Variants in AKAP8L observed in about 807,000 individuals in gnomAD.
AKAP8L encodes A-kinase anchor protein 8-like.
AKAP8L carries 34 observed loss-of-function variants against 77.5 expected under a neutral mutation model. The ratio of observed to expected loss-of-function variants is 0.44; its 90% CI spans 0.33 to 0.58. AKAP8L has a LOEUF of 0.58. AKAP8L is among the 20% of genes least tolerant of loss of function. The pLI is 0.02. For missense variants in AKAP8L, 806 were observed against 887.6 expected, an observed-to-expected ratio of 0.91 and a Z score of 1.17; for synonymous variants, 342 against 340.7, an observed-to-expected ratio of 1.00 and a Z score of -0.04.
At chr19:15,386,556 A>C (rs865849771) in intron 12 of AKAP8L, among the ~76,000 whole-genome samples, 23 of 152,286 alleles carry the variant, frequency 1.5e-4, no homozygotes, top group Admixed American at 2.6e-4. Flanking sequence ...AGTGTGATGG[A>C]AACTCCACTC....
intron 2 of AKAP8L, among the ~76,000 whole-genome samples, chr19:15,408,576 AAAAG>A (rs55924978): frequency 0.64 from 76,449 of 119,896 alleles, 24,218 homozygotes; most frequent in East Asian, 0.93. Flanking sequence ...AAAAAAAAAA[AAAAG>A]AAAGAAAGAA....
chr19:15,395,800 C>T (rs1291672161), intron 12 of AKAP8L, among the ~76,000 whole-genome samples: 3 of 142,154 alleles, frequency 2.1e-5, no homozygotes, highest in East Asian at 4.3e-4. Flanking sequence ...CTGGCTAACA[C>T]GGTGAAACCC....
Position 15,398,764 on chromosome 19 carries a change from G to A in AKAP8L, c.1157+538C>T. ...GGAGGAGGCAAGCGCCAGTGCGGGA[G>A]CCCTGAGGGCAGACAGACCCGACCA... On this transcript the variant is annotated intron_variant, in intron 9 of 13. Coordinates refer to ENST00000397410, the MANE Select transcript of AKAP8L (RefSeq NM_014371.4). The surrounding 1 kb of genome is among the most constrained non-coding windows in gnomAD (Gnocchi z 9.2). The A allele has an allele frequency of 1.0e-6, 1 of 993,034 alleles. No individual in the cohort carries two copies. The highest frequency in any genetic ancestry group is 1.2e-6 in the Non-Finnish European group (1 of 834,784). 61.5% of individuals were successfully genotyped at this position (993,034 alleles called of 1,614,324 possible).
At chr19:15,415,353 A>G (rs1335962266) in intron 1 of AKAP8L, among the ~76,000 whole-genome samples, 1 of 151,954 alleles carries the variant, frequency 6.6e-6, no homozygotes, top group Non-Finnish European at 1.5e-5. Flanking sequence ...GGATTACTTG[A>G]GCACAGGAGG....
chr19:15,414,672 C>T (rs1968171503), intron 1 of AKAP8L, among the ~76,000 whole-genome samples: 1 of 151,858 alleles, frequency 6.6e-6, no homozygotes. Context: ...GTATTTTTCA[C>T]AGAGATGGGG....
chr19:15,394,703 C>A (rs1011217362), intron 12 of AKAP8L, among the ~76,000 whole-genome samples: 3 of 152,014 alleles, frequency 2.0e-5, no homozygotes, highest in African/African-American at 7.2e-5. Flanking sequence ...GCCACCACGC[C>A]CAGCCCAAAG....
rs553048005 is a variant in AKAP8L, at chr19:15,402,749, C to T, written c.362+726G>A. ...CTATCCCATGTTAGAGATACACCCA[C>T]GCTCCTCACCAAAGCCTCGCACTGG... On this transcript the variant is annotated intron_variant, in intron 4 of 13. Transcript: ENST00000397410. 3.9e-5 allele frequency among the ~76,000 whole-genome samples: 6 copies of T among 152,336 alleles called. 1 individual carries two copies. In the South Asian group the frequency reaches 8.3e-4, roughly 21 times the overall value.
chr19:15,401,681 A>C lies in AKAP8L; in HGVS notation c.363-78T>G. Reference sequence around the variant, plus strand: ...CCAGGCAACTGCTCCTGCCCTCCCCAATCTCCCAGTCCAGCACCCACCCTG... The same window carrying C: ...CCAGGCAACTGCTCCTGCCCTCCCCCATCTCCCAGTCCAGCACCCACCCTG... On this transcript the variant is annotated intron_variant, in intron 4 of 13. Transcript: ENST00000397410. The surrounding 1 kb of genome is among the most constrained non-coding windows in gnomAD (Gnocchi z 6.2). 1.7e-6 allele frequency: 2 copies of C among 1,190,802 alleles called. No homozygotes were observed. The highest frequency in any genetic ancestry group is 2.3e-6 in the Non-Finnish European group (2 of 857,724). The allele number at this position is 1,190,802 out of a possible 1,614,324, so 73.8% of individuals were successfully genotyped here.
chr19:15,412,764 G>A (rs537931709), intron 1 of AKAP8L, among the ~76,000 whole-genome samples: 19 of 152,286 alleles, frequency 1.2e-4, no homozygotes, highest in African/African-American at 3.8e-4. Flanking sequence ...GGATGGTCTC[G>A]ATCTCCTAAC....
At position 15,397,221 on chromosome 19, in the gene AKAP8L, G is replaced by A; in HGVS notation, c.1465C>T (p.Leu489Phe). Residue 489 changes from leucine (L) to phenylalanine (F), a missense_variant, in exon 12 of 14, where the codon CTC (leucine) becomes TTC (phenylalanine). Physicochemically the swap from Leu to Phe is conservative, Grantham distance 22. Transcript: ENST00000397410. The surrounding 1 kb of genome is among the most constrained non-coding windows in gnomAD (Gnocchi z 4.7). ...VEAAHCAACD[L>F]FIPMQFGIIQ... ...ATCCCAAACTGCATGGGAATGAAGA[G>A]GTCGCAGGCTGCACAATGGGCTGCC... The A allele has an allele frequency of 6.2e-7, 1 of 1,614,028 alleles. No homozygotes were observed. Among genetic ancestry groups the A allele is most frequent in the South Asian group, 1.1e-5 (1 of 91,084 alleles).
chr19:15,383,965 C>T (rs1211461031), intron 12 of AKAP8L: 2 of 124,706 alleles, frequency 1.6e-5, no homozygotes. Flanking sequence ...TGGAGTCTTG[C>T]TCTGTTGCTC....
chr19:15,401,597 G>T lies in AKAP8L; in HGVS notation c.369C>A (p.Asp123Glu). The change falls in exon 5 of 14, where the codon GAC becomes GAA. Residue 123 changes from aspartate to glutamate, a missense_variant. Around this residue, in one of 2 missense-constraint regions of AKAP8L, gnomAD observed 580 missense variants for 694.1 expected, o/e 0.84. Transcript: ENST00000397410. The surrounding 1 kb of genome is among the most constrained non-coding windows in gnomAD (Gnocchi z 6.2). ...GVYGSGGERY[D>E]SYESCDSRAV... The stretch of plus-strand genomic sequence containing the variant: ...CCCTCGAGTCGCAGGACTCATAAGA[G>T]TCATACCTGCAGAGGCATGGGGTGA... The T allele has an allele frequency of 6.3e-7, 1 of 1,590,256 alleles. No individual in the cohort carries two copies. Among genetic ancestry groups the T allele is most frequent in the Non-Finnish European group, 8.6e-7 (1 of 1,169,306 alleles).
chr19:15,381,910 C>G (rs1599583804), intron 12 of AKAP8L: 1 of 152,182 alleles, frequency 6.6e-6, no homozygotes, highest in East Asian at 1.9e-4. Context: ...TCATTCTAAC[C>G]AGGTTTGGTT....
chr19:15,386,067 C>T (rs950994597), intron 12 of AKAP8L, among the ~76,000 whole-genome samples: 27 of 151,948 alleles, frequency 1.8e-4, no homozygotes, highest in African/African-American at 6.3e-4. Flanking sequence ...CCCGTCACTA[C>T]GCCCGGCTAA....
chr19:15,415,767 T>C (rs925660740), intron 1 of AKAP8L, among the ~76,000 whole-genome samples: 1 of 151,748 alleles, frequency 6.6e-6, no homozygotes, highest in Non-Finnish European at 1.5e-5. Context: ...GCACCTGTAG[T>C]CCCAGCTACT....
In AKAP8L at chr19:15,398,468, C is replaced by T. The variant is rs914842624; in HGVS notation, c.1158-613G>A. ...CTGAGCTGGAAGGAGGGCGCCCGCTCGGCCTGCCAGAGGGCAGCCTGGAGT... is the reference window on the plus strand; with the variant it reads ...CTGAGCTGGAAGGAGGGCGCCCGCTTGGCCTGCCAGAGGGCAGCCTGGAGT... On this transcript the variant is annotated intron_variant, in intron 9 of 13. Coordinates refer to ENST00000397410, the MANE Select transcript of AKAP8L (RefSeq NM_014371.4). This position sits in a 1 kb window ranked among gnomAD's most constrained non-coding sequence, Gnocchi z 9.2. 2.4e-5 allele frequency: 14 copies of T among 594,364 alleles called. No homozygotes were observed. The highest frequency in any genetic ancestry group is 7.4e-5 in the South Asian group (1 of 13,538). 36.8% of individuals were successfully genotyped at this position (594,364 alleles called of 1,614,324 possible).
chr19:15,407,735 C>T (rs943938654), intron 2 of AKAP8L, among the ~76,000 whole-genome samples: 3 of 152,152 alleles, frequency 2.0e-5, no homozygotes, highest in Non-Finnish European at 4.4e-5. Context: ...AACACTACAT[C>T]AGTGAAGTGA....
intron 12 of AKAP8L, among the ~76,000 whole-genome samples, chr19:15,394,704 C>G (rs1021470884): frequency 2.0e-5 from 3 of 151,912 alleles, no homozygotes; most frequent in African/African-American, 7.3e-5. Context: ...CCACCACGCC[C>G]AGCCCAAAGA....
Position 15,401,948 on chromosome 19 carries a change from AG to A in AKAP8L, c.363-346del, listed in dbSNP as rs753183526. Among the ~76,000 whole-genome samples the A allele has an allele frequency of 3.3e-5, 5 of 152,212 alleles. No individual in the cohort carries two copies. Among genetic ancestry groups the A allele is most frequent in the Non-Finnish European group, 7.4e-5 (5 of 68,026 alleles). The stretch of plus-strand genomic sequence containing the variant: ...CCATCTGTGGGAGCTGCAACGCCCA[AG>A]GCTGCTCCTCACAGGGCAAGGCTGA... On this transcript the variant is annotated intron_variant, in intron 4 of 13. Coordinates refer to ENST00000397410, the MANE Select transcript of AKAP8L (RefSeq NM_014371.4). The surrounding 1 kb of genome is among the most constrained non-coding windows in gnomAD (Gnocchi z 6.2).
Sources: gnomAD v4.1 joint callset for allele counts (sites outside exome capture counted in the v4.1 genomes callset) on GRCh38, gnomAD v4.1.1 for gene constraint, gnomAD v4.1.1 regional missense constraint, Gnocchi (gnomAD v3.1) non-coding constraint, MANE v1.5 for transcripts, NCBI Gene and HGNC (gene_info 2026-07-23, HGNC 2026-07-21) for gene names.